Variants in ITGA8 observed in about 807,000 individuals in gnomAD.
ITGA8 encodes integrin subunit alpha 8.
In ITGA8, 91 loss-of-function variants were observed where a neutral mutation model predicts 142.3. The observed-to-expected ratio is 0.64, with a 90% CI of 0.54 to 0.76. ITGA8 has a LOEUF of 0.76. Among genes scored for constraint, ITGA8 ranks in the 30% least tolerant of loss-of-function variants. The pLI is 0.00. For missense variants in ITGA8, 1,406 were observed against 1,327.7 expected (o/e 1.06, Z -0.92); for synonymous variants, 505 against 485.2 (o/e 1.04, Z -0.54).
At chr10:15,613,630 T>C in intron 15 of ITGA8, 30 bp downstream of exon 15, 2 of 1,390,088 alleles carry the variant, frequency 1.4e-6, no homozygotes, top group South Asian at 1.2e-5. Context: ...GAATTCACAT[T>C]GGAGTTTGAG....
intron 25 of ITGA8, among the ~76,000 whole-genome samples, chr10:15,565,264 T>A (rs560088873): frequency 2.4e-4 from 37 of 152,336 alleles, no homozygotes; most frequent in Non-Finnish European, 4.1e-4. Flanking sequence ...AAGCCATAGA[T>A]GTCACTAGTA....
intron 20 of ITGA8, among the ~76,000 whole-genome samples, chr10:15,600,258 A>G (rs571402252): frequency 4.6e-5 from 7 of 152,372 alleles, no homozygotes; most frequent in Admixed American, 4.6e-4. Context: ...TATTAAAAAA[A>G]AAAGAATGAA....
chr10:15,640,086 G>A (rs1169952811), intron 13 of ITGA8, among the ~76,000 whole-genome samples: 2 of 152,190 alleles, frequency 1.3e-5, no homozygotes, highest in Non-Finnish European at 2.9e-5. Flanking sequence ...GTAGAGGGCT[G>A]GGCAAGAGAA....
intron 3 of ITGA8, among the ~76,000 whole-genome samples, chr10:15,686,077 G>C (rs9333087): frequency 8.1e-4 from 123 of 152,274 alleles, no homozygotes; most frequent in African/African-American, 2.9e-3. Context: ...AGAGCTGCTA[G>C]CCTGCCTTCT....
intron 8 of ITGA8, among the ~76,000 whole-genome samples, chr10:15,670,669 A>T (rs770197772): frequency 4.6e-5 from 7 of 152,210 alleles, no homozygotes; most frequent in African/African-American, 1.7e-4. Flanking sequence ...ATAGGCAGCC[A>T]GTGTGATTTG....
At chr10:15,653,421 C>A (rs1159224625) in intron 11 of ITGA8, among the ~76,000 whole-genome samples, 1 of 152,006 alleles carries the variant, frequency 6.6e-6, no homozygotes, top group Non-Finnish European at 1.5e-5. Flanking sequence ...CTCCCATTAC[C>A]CTCTCCCTAA....
intron 12 of ITGA8, among the ~76,000 whole-genome samples, chr10:15,645,233 C>A (rs1833958648): frequency 6.6e-6 from 1 of 152,018 alleles, no homozygotes; most frequent in South Asian, 2.1e-4. Flanking sequence ...TGACTCCCAT[C>A]CCCTTGTTTA....
chr10:15,693,516 T>C (rs951554651), intron 2 of ITGA8, among the ~76,000 whole-genome samples: 1 of 152,204 alleles, frequency 6.6e-6, no homozygotes, highest in Non-Finnish European at 1.5e-5. Flanking sequence ...AAACAAGTTC[T>C]GGAAATCCTC....
chr10:15,534,328 G>C (rs12414016), intron 27 of ITGA8, among the ~76,000 whole-genome samples: 25,986 of 152,092 alleles, frequency 0.17, 2,372 homozygotes, highest in Admixed American at 0.2. Flanking sequence ...CATATTTTTT[G>C]GAAGGTTCAC....
In ITGA8 at chr10:15,671,628, C is replaced by A. The variant is rs754561530; in HGVS notation, c.822G>T (p.Gly274=). ...DSYLGYSVAA[G]EFTGDSQQEL... is the part of the protein sequence containing the mutation. ...CTTGCTGAGAATCCCCAGTAAACTC[C>A]CCAGCAGCAACTGAGTATCCTGTTT... Residue 274 remains glycine (G), a synonymous_variant, in exon 8 of 30, where the codon GGG becomes GGT. Coordinates refer to ENST00000378076, the MANE Select transcript of ITGA8 (RefSeq NM_003638.3). 1.9e-6 allele frequency: 3 copies of A among 1,612,666 alleles called. No individual in the cohort carries two copies. The highest frequency in any genetic ancestry group is 2.5e-6 in the Non-Finnish European group (3 of 1,179,012).
rs1434863976 is a variant in ITGA8, at chr10:15,575,585, G to T, written c.2382C>A (p.His794Gln). ...VAQVEIRGVSHPPQIVLPIHN... is the reference protein window; with the variant it reads ...VAQVEIRGVSQPPQIVLPIHN... ...GAATGGGCAGAACAATCTGCGGAGG[G>T]TGTGACACTCTGAAACATGAAATGT... The change falls in exon 24 of 30, where the codon CAC becomes CAA. Residue 794 changes from histidine to glutamine, a missense_variant. Physicochemically the swap from His to Gln is conservative, Grantham distance 24. Transcript: ENST00000378076. 1.2e-6 allele frequency: 2 copies of T among 1,613,186 alleles called. No individual in the cohort carries two copies. Among genetic ancestry groups the T allele is most frequent in the Admixed American group, 1.7e-5 (1 of 60,008 alleles).
At chr10:15,599,439 C>A (rs1451667) in intron 20 of ITGA8, among the ~76,000 whole-genome samples, 7 of 151,800 alleles carry the variant, frequency 4.6e-5, no homozygotes, top group African/African-American at 1.7e-4. Flanking sequence ...ATTTTAACAA[C>A]GTAACAAGTA....
At chr10:15,621,229 C>G (rs1182647249) in intron 13 of ITGA8, among the ~76,000 whole-genome samples, 2 of 149,664 alleles carry the variant, frequency 1.3e-5, no homozygotes, top group East Asian at 3.9e-4. Context: ...TCCTTTCAAT[C>G]AAAAACTGTT....
chr10:15,546,378 T>A (rs1016929147), intron 27 of ITGA8, among the ~76,000 whole-genome samples: 1 of 152,178 alleles, frequency 6.6e-6, no homozygotes, highest in Admixed American at 6.5e-5. Flanking sequence ...CCCTACATAT[T>A]TGTTGAGTGA....
chr10:15,600,470 G>C (rs1441470115), intron 20 of ITGA8, among the ~76,000 whole-genome samples: 1 of 152,202 alleles, frequency 6.6e-6, no homozygotes, highest in Non-Finnish European at 1.5e-5. Context: ...GTGTTGGGAG[G>C]AGAAACGGCT....
At chr10:15,621,665 G>T (rs78861645) in intron 13 of ITGA8, among the ~76,000 whole-genome samples, 5 of 152,094 alleles carry the variant, frequency 3.3e-5, no homozygotes, top group Non-Finnish European at 7.4e-5. Flanking sequence ...CCTAGGGAAC[G>T]GTCAGGCCAA....
chr10:15,558,355 T>A (rs1264500609), intron 25 of ITGA8, among the ~76,000 whole-genome samples, 153 bp from the exon 26 acceptor site: 1 of 152,116 alleles, frequency 6.6e-6, no homozygotes, highest in Non-Finnish European at 1.5e-5. Context: ...TGTTTAACAG[T>A]GACATGACCT....
At chr10:15,714,332 C>T (rs917212277) in intron 2 of ITGA8, among the ~76,000 whole-genome samples, 122 of 152,182 alleles carry the variant, frequency 8.0e-4, no homozygotes, top group Non-Finnish European at 1.4e-3. Context: ...GACACAGAAG[C>T]GAGAGGCATG....
intron 8 of ITGA8, among the ~76,000 whole-genome samples, chr10:15,662,570 T>G (rs1036960138): frequency 6.6e-6 from 1 of 151,688 alleles, no homozygotes; most frequent in African/African-American, 2.4e-5. Context: ...AACTCCTGGG[T>G]TCAAGCCATC....
Sources: allele counts gnomAD v4.1 joint callset (sites outside exome capture counted in the v4.1 genomes callset), GRCh38; gene constraint gnomAD v4.1.1; transcripts MANE v1.5; gene names NCBI Gene and HGNC (gene_info 2026-07-23, HGNC 2026-07-21).